The following STAG1 variants were observed in gnomAD, a reference collection of about 807,000 sequenced individuals.
STAG1 encodes STAG1 cohesin complex component, also known as cohesin subunit SA-1.
A neutral mutation model predicts 170.9 loss-of-function variants in STAG1; 26 were observed. The observed-to-expected ratio is 0.15, with a 90% CI of 0.11 to 0.21. The LOEUF (loss-of-function observed/expected upper bound fraction) is 0.21, where lower values mean the gene tolerates loss of function less well. Ranked by LOEUF, STAG1 falls within the 10% of genes least tolerant of loss-of-function variation. The pLI, the probability that STAG1 is intolerant of heterozygous loss-of-function variation, is 1.00. For missense variants in STAG1, 964 were observed against 1,509.5 expected (o/e 0.64, Z 5.99); for synonymous variants, 514 against 497.7 (o/e 1.03, Z -0.44).
intron 28 of STAG1, among the ~76,000 whole-genome samples, chr3:136,351,909 G>A (rs1936445544): frequency 6.6e-6 from 1 of 152,088 alleles, no homozygotes; most frequent in Admixed American, 6.6e-5. Flanking sequence ...ATCAGTAAGT[G>A]GCTTATGCTA....
At chr3:136,607,178 T>C (rs1217155924) in intron 3 of STAG1, among the ~76,000 whole-genome samples, 2 of 152,194 alleles carry the variant, frequency 1.3e-5, no homozygotes, top group African/African-American at 2.4e-5. Flanking sequence ...GTACTTTTCT[T>C]ACTCTTTCCA....
chr3:136,350,007 G>C (rs567358814), intron 28 of STAG1, among the ~76,000 whole-genome samples: 2 of 152,000 alleles, frequency 1.3e-5, no homozygotes, highest in Non-Finnish European at 1.5e-5. Flanking sequence ...AGGCGTGGTG[G>C]CATGCACCTG....
chr3:136,708,222 T>C (rs950565144), intron 1 of STAG1, among the ~76,000 whole-genome samples: 10 of 152,284 alleles, frequency 6.6e-5, no homozygotes, highest in Non-Finnish European at 1.5e-4. Flanking sequence ...TTATTCATAA[T>C]AGCCAAAAGG....
At chr3:136,649,769 A>AT (rs951921083) in intron 1 of STAG1, among the ~76,000 whole-genome samples, 4 of 150,408 alleles carry the variant, frequency 2.7e-5, no homozygotes, top group Middle Eastern at 3.5e-3. Context: ...AAAAAAAAAG[A>AT]TTTTTTTTGT....
At chr3:136,394,125 C>T (rs545514801) in intron 22 of STAG1, among the ~76,000 whole-genome samples, 10 of 152,278 alleles carry the variant, frequency 6.6e-5, no homozygotes, top group African/African-American at 1.7e-4. Flanking sequence ...TTAGGATAAT[C>T]TCTATCTCTT....
intron 22 of STAG1, among the ~76,000 whole-genome samples, chr3:136,395,193 G>A (rs1422477335): frequency 6.6e-6 from 1 of 152,144 alleles, no homozygotes; most frequent in East Asian, 1.9e-4. Flanking sequence ...TCTTTTATTA[G>A]GAGAATGTGT....
chr3:136,450,924 T>C (rs1294574242), intron 14 of STAG1, among the ~76,000 whole-genome samples: 1 of 152,114 alleles, frequency 6.6e-6, no homozygotes, highest in South Asian at 2.1e-4. Context: ...TTTTTTTCTA[T>C]TTTTAGTAGA....
At chr3:136,461,002 T>C (rs773857032) in intron 13 of STAG1, among the ~76,000 whole-genome samples, 7 of 152,196 alleles carry the variant, frequency 4.6e-5, no homozygotes, top group Non-Finnish European at 1.0e-4. Flanking sequence ...AAGCAGGATT[T>C]ATATCAGGGA....
At chr3:136,678,272 CAG>C (rs1481257611) in intron 1 of STAG1, among the ~76,000 whole-genome samples, 1 of 150,010 alleles carries the variant, frequency 6.7e-6, no homozygotes, top group Non-Finnish European at 1.5e-5. Flanking sequence ...CTTCAAATAA[CAG>C]TGCATATTAG....
chr3:136,351,517 A>G (rs1936433016), intron 28 of STAG1, among the ~76,000 whole-genome samples: 2 of 152,320 alleles, frequency 1.3e-5, no homozygotes, highest in South Asian at 4.1e-4. Context: ...GAAGGGAATG[A>G]GGCAGACTTG....
intron 1 of STAG1, among the ~76,000 whole-genome samples, chr3:136,692,044 G>A (rs1320328422): frequency 6.6e-6 from 1 of 152,182 alleles, no homozygotes; most frequent in Non-Finnish European, 1.5e-5. Context: ...GCCAGGGGCA[G>A]TGGCTCATGC....
intron 21 of STAG1, 31 bp from the exon 22 acceptor site, chr3:136,398,860 G>T: frequency 7.1e-7 from 1 of 1,401,240 alleles, no homozygotes; most frequent in South Asian, 1.4e-5. Flanking sequence ...TTTTTTTAAT[G>T]AAAAATTCAA....
intron 13 of STAG1, among the ~76,000 whole-genome samples, chr3:136,461,589 TG>T (rs1460554358): frequency 6.9e-6 from 1 of 144,180 alleles, no homozygotes; most frequent in Non-Finnish European, 1.5e-5. Context: ...GACTCCGTCT[TG>T]AAAAAAAAAA....
intron 4 of STAG1, among the ~76,000 whole-genome samples, chr3:136,571,433 T>G (rs1306373998): frequency 6.6e-6 from 1 of 151,962 alleles, no homozygotes; most frequent in Non-Finnish European, 1.5e-5. Flanking sequence ...GCTAGAGTGG[T>G]GGTGCATGCC....
At chr3:136,633,962 TAAAA>T (rs67810422) in intron 1 of STAG1, among the ~76,000 whole-genome samples, 172 of 50,348 alleles carry the variant, frequency 3.4e-3, no homozygotes, top group South Asian at 0.015. Flanking sequence ...TGTCTCTACT[TAAAA>T]AAAAAAAAAA....
At chr3:136,529,703 C>A (rs745670374) in intron 6 of STAG1, among the ~76,000 whole-genome samples, 1 of 151,970 alleles carries the variant, frequency 6.6e-6, no homozygotes, top group South Asian at 2.1e-4. Context: ...AGAAAACACA[C>A]AAAAGTATAA....
intron 1 of STAG1, among the ~76,000 whole-genome samples, chr3:136,724,016 C>G (rs1438416562): frequency 1.4e-5 from 2 of 146,728 alleles, no homozygotes; most frequent in South Asian, 4.4e-4. Flanking sequence ...CCGCCCCGTC[C>G]GGGAGGTGAG....
intron 22 of STAG1, among the ~76,000 whole-genome samples, chr3:136,379,665 C>T (rs909305495): frequency 3.3e-5 from 5 of 152,052 alleles, no homozygotes; most frequent in African/African-American, 7.2e-5. Context: ...GCCGAGACTG[C>T]GCCACTGCAC....
At chr3:136,512,265 C>G (rs867249205) in intron 7 of STAG1, among the ~76,000 whole-genome samples, 74 of 152,156 alleles carry the variant, frequency 4.9e-4, no homozygotes, top group African/African-American at 1.3e-3. Flanking sequence ...GTAATCATGC[C>G]ACTGCACTCC....
Sources: allele counts gnomAD v4.1 joint callset (sites outside exome capture counted in the v4.1 genomes callset), GRCh38; gene constraint gnomAD v4.1.1; transcripts MANE v1.5; gene names NCBI Gene and HGNC (gene_info 2026-07-23, HGNC 2026-07-21).